The following UGT2B4 variants were observed in gnomAD, a reference collection of about 807,000 sequenced individuals.
UGT2B4 encodes the protein UDP glucuronosyltransferase family 2 member B4.
UGT2B4 carries 49 observed loss-of-function variants against 49.8 expected under a neutral mutation model. That is an observed-to-expected ratio of 0.98 (90% CI 0.78 to 1.25). UGT2B4 has a LOEUF of 1.25. Among genes scored for constraint, UGT2B4 ranks in the 50% most tolerant of loss-of-function variants. The pLI, the probability that UGT2B4 is intolerant of heterozygous loss-of-function variation, is 0.00. For missense variants in UGT2B4, 729 were observed against 627.7 expected, an observed-to-expected ratio of 1.16 and a Z score of -1.73; for synonymous variants, 246 against 217.7, an observed-to-expected ratio of 1.13 and a Z score of -1.14.
chr4:69,511,581 T>C (rs570350476), intron 1 of UGT2B4, among the ~76,000 whole-genome samples: 80 of 152,294 alleles, frequency 5.3e-4, no homozygotes, highest in African/African-American at 1.9e-3. Context: ...TTTTCATCTA[T>C]GTTTATTAAC....
upstream of UGT2B4, among the ~76,000 whole-genome samples, chr4:69,500,665 GA>G (rs1560438445): frequency 1.6e-3 from 191 of 116,834 alleles, 1 homozygote; most frequent in Non-Finnish European, 1.9e-3. Flanking sequence ...AAGAAAGAAA[GA>G]AAGGAAGGAA....
In UGT2B4 at chr4:69,495,361, G is replaced by T. The variant is rs748647635; in HGVS notation, c.501C>A (p.Pro167=). The T allele has an allele frequency of 1.2e-6, 2 of 1,613,698 alleles. No individual in the cohort carries two copies. Among genetic ancestry groups the T allele is most frequent in the African/African-American group, 2.7e-5 (2 of 74,894 alleles). ...GAGAGAAGCGGAGGCTGTAGACAAA[G>T]GGTATTTTAAGTAACTCGGCCAGCA... ...GELLAELLKI[P]FVYSLRFSPG... is the part of the protein sequence containing the mutation. Residue 167 remains proline (P), a synonymous_variant, in exon 1 of 6, where the codon CCC becomes CCA. Coordinates refer to ENST00000305107, the MANE Select transcript of UGT2B4 (RefSeq NM_021139.3).
chr4:69,501,032 C>A (rs1047089054), intron 1 of UGT2B4, among the ~76,000 whole-genome samples: 2 of 152,052 alleles, frequency 1.3e-5, no homozygotes, highest in African/African-American at 4.8e-5. Flanking sequence ...TGAATTCAGG[C>A]GGCCACCTGC....
chr4:69,486,756 A>G (rs186963298), intron 3 of UGT2B4, 60 bp from the exon 4 acceptor site: 16 of 1,266,938 alleles, frequency 1.3e-5, no homozygotes, highest in Non-Finnish European at 1.7e-5. Flanking sequence ...ATAGAATGTT[A>G]GAAATCTAAA....
chr4:69,495,139 A>G lies in UGT2B4; in HGVS notation c.721+2T>C, dbSNP rs377159596. On this transcript the variant is annotated splice_donor_variant, in intron 1 of 5. Coordinates refer to ENST00000305107, the MANE Select transcript of UGT2B4 (RefSeq NM_021139.3). LOFTEE classifies it high-confidence loss of function. ...ATGTTACCAATCAAAAAAGTTACTT[A>G]CCTAGAACTTCACTGTAGAACTGAT... 3.1e-5 allele frequency: 48 copies of G among 1,526,628 alleles called. No individual in the cohort carries two copies. The highest frequency in any genetic ancestry group is 4.1e-5 in the Non-Finnish European group (47 of 1,143,220). 94.6% of individuals were successfully genotyped at this position (1,526,628 alleles called of 1,614,324 possible). A position where few individuals can be genotyped will look rare whatever the true frequency, so the allele number is the denominator to read the frequency against.
chr4:69,508,370 T>C (rs1728525543), intron 1 of UGT2B4, among the ~76,000 whole-genome samples: 1 of 152,104 alleles, frequency 6.6e-6, no homozygotes, highest in African/African-American at 2.4e-5. Context: ...CAAAGAAATG[T>C]AAACAATTCT....
rs1560435122 is a variant in UGT2B4 at position 69,493,294 on chromosome 4, TAC to T, written c.870+397_870+398del. 2.6e-5 allele frequency among the ~76,000 whole-genome samples: 4 copies of T among 152,286 alleles called. No homozygotes were observed. The East Asian group carries it at 7.7e-4, about 29-fold the overall frequency. ...GTTTTTCTCTGGAGATAACAGTTTT[TAC>T]ACAGTTTTTATTACTTGCATATATT... On this transcript the variant is annotated intron_variant, in intron 2 of 5. Transcript: ENST00000305107.
At chr4:69,516,828 G>A (rs946792231) in intron 1 of UGT2B4, among the ~76,000 whole-genome samples, 6 of 151,448 alleles carry the variant, frequency 4.0e-5, no homozygotes, top group Non-Finnish European at 8.8e-5. Flanking sequence ...GGCTGGTTTC[G>A]AACTCCTGAC....
chr4:69,492,077 G>T (rs1728003634), intron 2 of UGT2B4, among the ~76,000 whole-genome samples: 2 of 151,942 alleles, frequency 1.3e-5, no homozygotes, highest in Admixed American at 6.6e-5. Flanking sequence ...GTTATATGAT[G>T]ACAGAATTCT....
Position 69,485,079 on chromosome 4 carries a change from T to A in UGT2B4, c.1310+129A>T. 21 of 1,163,084 alleles carry A rather than the reference T, an allele frequency of 1.8e-5. No homozygotes were observed. The South Asian group carries it at 3.1e-4, about 17-fold the overall frequency. The allele number at this position is 1,163,084 out of a possible 1,614,324, so 72.0% of individuals were successfully genotyped here. A position where few individuals can be genotyped will look rare whatever the true frequency, so the allele number is the denominator to read the frequency against. ...ATAACCACTCAAAAATAAAAGCAGA[T>A]TTCAGATTGTTTAAATCACTTAAAT... On this transcript the variant is annotated intron_variant, in intron 5 of 5. Coordinates refer to ENST00000305107, the MANE Select transcript of UGT2B4 (RefSeq NM_021139.3).
chr4:69,482,680 C>T (rs1481581270), intron 5 of UGT2B4, among the ~76,000 whole-genome samples: 1 of 152,024 alleles, frequency 6.6e-6, no homozygotes, highest in South Asian at 2.1e-4. Flanking sequence ...GATCTCGGCT[C>T]ACTGCAACCT....
chr4:69,518,785 G>A (rs542746352), intron 1 of UGT2B4, among the ~76,000 whole-genome samples: 90 of 152,136 alleles, frequency 5.9e-4, no homozygotes, highest in African/African-American at 2.0e-3. Flanking sequence ...CACATTACTT[G>A]CTCACTTTGA....
intron 5 of UGT2B4, among the ~76,000 whole-genome samples, chr4:69,483,796 A>C (rs1415274799): frequency 6.6e-6 from 1 of 152,148 alleles, no homozygotes; most frequent in Non-Finnish European, 1.5e-5. Context: ...ATCAATTATC[A>C]AAAATTTTAC....
chr4:69,495,565 T>G lies in UGT2B4; in HGVS notation c.297A>C (p.Glu99Asp). Residue 99 changes from glutamate (E) to aspartate (D), a missense_variant, in exon 1 of 6, where the codon GAA becomes GAC. Transcript: ENST00000305107. ...IIKQLVKRWA[E>D]LPKDTFWSYF... ...ATGACCAAAATGTGTCTTTTGGAAG[T>G]TCTGCCCATCTCTTAACCAGCTGCT... The G allele has an allele frequency of 1.9e-6, 3 of 1,613,894 alleles. No homozygotes were observed. Among genetic ancestry groups the G allele is most frequent in the Non-Finnish European group, 2.5e-6 (3 of 1,179,926 alleles).
intron 2 of UGT2B4, among the ~76,000 whole-genome samples, chr4:69,492,916 C>T (rs976417771): frequency 4.6e-5 from 7 of 152,072 alleles, no homozygotes; most frequent in African/African-American, 9.7e-5. Context: ...TTTAATCCAT[C>T]GAACATCTTG....
chr4:69,481,147 T>C (rs968241159), intron 5 of UGT2B4, among the ~76,000 whole-genome samples: 57 of 143,748 alleles, frequency 4.0e-4, no homozygotes, highest in Middle Eastern at 3.8e-3. Context: ...CATGTGCCTG[T>C]AGTCCCAGCT....
At chr4:69,510,894 A>T (rs1367631981) in intron 1 of UGT2B4, among the ~76,000 whole-genome samples, 1 of 151,980 alleles carries the variant, frequency 6.6e-6, no homozygotes, top group Non-Finnish European at 1.5e-5. Context: ...TCCTGATATT[A>T]GATAAGAACA....
upstream of UGT2B4, among the ~76,000 whole-genome samples, chr4:69,497,802 G>A (rs1271667244): frequency 2.6e-5 from 4 of 152,200 alleles, no homozygotes; most frequent in Non-Finnish European, 5.9e-5. Flanking sequence ...ATTGATTCCA[G>A]TTTTGAAAGA....
At chr4:69,518,466 A>C (rs1406313460) in intron 1 of UGT2B4, 1 of 152,172 alleles carries the variant, frequency 6.6e-6, no homozygotes, top group Non-Finnish European at 1.5e-5. Context: ...TTAAAATGAC[A>C]ATTTAGGCAA....
Sources: gnomAD v4.1 joint callset for allele counts (sites outside exome capture counted in the v4.1 genomes callset) on GRCh38, gnomAD v4.1.1 for gene constraint, MANE v1.5 for transcripts, NCBI Gene and HGNC (gene_info 2026-07-23, HGNC 2026-07-21) for gene names.